TAF5L: variants seen among roughly 807,000 people sequenced by gnomAD.
TAF5L encodes TAF5-like RNA polymerase II p300/CBP-associated factor-associated factor 65 kDa subunit 5L.
In TAF5L, 7 loss-of-function variants were observed where a neutral mutation model predicts 51.3. The observed-to-expected ratio is 0.14, with a 90% CI of 0.08 to 0.26. The LOEUF (loss-of-function observed/expected upper bound fraction) is 0.26. Ranked by LOEUF, TAF5L falls within the 10% of genes least tolerant of loss-of-function variation. The pLI, the probability that TAF5L is intolerant of heterozygous loss-of-function variation, is 1.00. For synonymous variants in TAF5L, 291 were observed against 308.1 expected (o/e 0.94, Z 0.58); for missense variants, 575 against 758.9 (o/e 0.76, Z 2.85).
At chr1:229,612,773 C>T (rs987186940) in intron 2 of TAF5L, among the ~76,000 whole-genome samples, 1 of 152,098 alleles carries the variant, frequency 6.6e-6, no homozygotes, top group Non-Finnish European at 1.5e-5. Flanking sequence ...GAGGTAACTG[C>T]GGCTACTAGG....
At chr1:229,603,630 T>C (rs543572856) in intron 3 of TAF5L, among the ~76,000 whole-genome samples, 1 of 152,360 alleles carries the variant, frequency 6.6e-6, no homozygotes, top group South Asian at 2.1e-4. Flanking sequence ...AAATTCTCTT[T>C]TGCAGTGATA....
At chr1:229,611,815 T>G (rs1664803023) in intron 2 of TAF5L, among the ~76,000 whole-genome samples, 1 of 152,302 alleles carries the variant, frequency 6.6e-6, no homozygotes, top group Non-Finnish European at 1.5e-5. Context: ...CTGGATACCC[T>G]CCTCCAATTT....
At chr1:229,622,069 A>C (rs543965829) in intron 1 of TAF5L, among the ~76,000 whole-genome samples, 5 of 151,042 alleles carry the variant, frequency 3.3e-5, no homozygotes, top group East Asian at 1.9e-4. Context: ...ATCTATCTAT[A>C]CAGATAGATA....
intron 3 of TAF5L, among the ~76,000 whole-genome samples, chr1:229,605,001 G>C (rs1053007802): frequency 6.6e-6 from 1 of 152,014 alleles, no homozygotes; most frequent in African/African-American, 2.4e-5. Flanking sequence ...ACAGTGGCGC[G>C]ATCTCGGCTC....
At chr1:229,606,395 A>G in intron 3 of TAF5L, 1 of 978,160 alleles carries the variant, frequency 1.0e-6, no homozygotes, top group Non-Finnish European at 1.2e-6. Flanking sequence ...CTATCTACCC[A>G]CTGAAATGTA....
At chr1:229,607,159 C>G (rs1053008390) in intron 3 of TAF5L, 6 of 985,460 alleles carry the variant, frequency 6.1e-6, no homozygotes, top group Non-Finnish European at 6.0e-6. Flanking sequence ...CCACTCCAGT[C>G]TTAAAGCCTG....
chr1:229,616,137 C>T (rs1025809435), intron 1 of TAF5L, among the ~76,000 whole-genome samples: 1 of 152,084 alleles, frequency 6.6e-6, no homozygotes, highest in Non-Finnish European at 1.5e-5. Flanking sequence ...CCTTAGACTC[C>T]CGAGTAGCTG....
rs903490905 is a variant in TAF5L at position 229,602,532 on chromosome 1, C to T, written c.635G>A (p.Ser212Asn). Residue 212 changes from serine (S) to asparagine (N), a missense_variant, in exon 4 of 5, where the codon AGT (serine) becomes AAT (asparagine). This residue lies in a region of TAF5L where 380 missense variants were observed against 443.7 expected (regional missense o/e 0.86). Transcript: ENST00000258281. The surrounding 1 kb of genome is among the most constrained non-coding windows in gnomAD (Gnocchi z 4.6). ...GTTCTCACTGCGGGAGGAGCTGCCA[C>T]TGGCATACAGCTGATAGTCTGTTCT... is the stretch of plus-strand genomic sequence containing the variant. The T allele has an allele frequency of 1.2e-6, 2 of 1,614,194 alleles. No individual in the cohort carries two copies. Among genetic ancestry groups the T allele is most frequent in the Non-Finnish European group, 1.7e-6 (2 of 1,180,032 alleles).
intron 1 of TAF5L, among the ~76,000 whole-genome samples, chr1:229,624,470 GCTAA>G (rs1336238708): frequency 2.0e-5 from 3 of 152,142 alleles, no homozygotes; most frequent in African/African-American, 7.2e-5. Flanking sequence ...AACGATAATA[GCTAA>G]CATTTAGCTA....
At chr1:229,606,912 A>G in intron 3 of TAF5L, 1 of 985,412 alleles carries the variant, frequency 1.0e-6, no homozygotes, top group South Asian at 4.7e-5. Flanking sequence ...GGATATAGAC[A>G]TAGATACTCT....
chr1:229,610,917 G>C (rs1443500537), intron 2 of TAF5L, among the ~76,000 whole-genome samples: 1 of 151,950 alleles, frequency 6.6e-6, no homozygotes, highest in Non-Finnish European at 1.5e-5. Context: ...TGAATCTTAA[G>C]TATTTAAAAC....
intron 4 of TAF5L, chr1:229,601,579 G>A (rs1049807223): frequency 6.8e-5 from 67 of 985,752 alleles, no homozygotes; most frequent in Middle Eastern, 5.2e-4. Context: ...ACTGACTGAC[G>A]GGGGGAGGGG....
At chr1:229,623,852 C>CTGAGT in intron 1 of TAF5L, among the ~76,000 whole-genome samples, 1 of 152,302 alleles carries the variant, frequency 6.6e-6, no homozygotes, top group Non-Finnish European at 1.5e-5. Context: ...AGGGTCTGAG[C>CTGAGT]TCTCACCTTC....
At chr1:229,607,328 TCA>T (rs1664633002) in intron 3 of TAF5L, 2 of 985,390 alleles carry the variant, frequency 2.0e-6, no homozygotes, top group Non-Finnish European at 2.4e-6. Flanking sequence ...GCACTTTAAT[TCA>T]CAGTCAGTCT....
intron 3 of TAF5L, chr1:229,607,436 G>C (rs530289840): frequency 1.0e-6 from 1 of 985,404 alleles, no homozygotes; most frequent in Non-Finnish European, 1.2e-6. Context: ...CAAAGCCTTA[G>C]TTGTTCCTGT....
intron 4 of TAF5L, chr1:229,599,965 A>G: frequency 4.1e-6 from 4 of 985,462 alleles, no homozygotes; most frequent in Non-Finnish European, 4.8e-6. Context: ...TCATTAATCC[A>G]TGTGGCTTCA....
chr1:229,608,545 T>C (rs1008376620), intron 3 of TAF5L, among the ~76,000 whole-genome samples: 4 of 152,236 alleles, frequency 2.6e-5, no homozygotes, highest in Non-Finnish European at 5.9e-5. Context: ...AACTTAGAGA[T>C]ATTTTTTATC....
chr1:229,599,720 T>C, intron 4 of TAF5L: 1 of 748,834 alleles, frequency 1.3e-6, no homozygotes. Context: ...TTTTGGCTAT[T>C]GTGAATAATG....
rs188395844 is a variant in TAF5L, at chr1:229,595,294, C to T, written c.973-200G>A. Among the ~76,000 whole-genome samples, 39 of 152,312 alleles carry T rather than the reference C, an allele frequency of 2.6e-4. No homozygotes were observed. The East Asian group carries it at 6.0e-3, about 23-fold the overall frequency. On this transcript the variant is annotated intron_variant, in intron 4 of 4. Transcript: ENST00000258281. ...CTCATAACTGAATAAAAGTCTCTTA[C>T]GACTTACAAATTGCTCCCCTTAAAT...
Sources: allele counts gnomAD v4.1 joint callset (sites outside exome capture counted in the v4.1 genomes callset), GRCh38; gene constraint gnomAD v4.1.1; regional missense constraint gnomAD v4.1.1; non-coding constraint Gnocchi (gnomAD v3.1); transcripts MANE v1.5; gene names NCBI Gene and HGNC (gene_info 2026-07-23, HGNC 2026-07-21).